SEC14L2: variants seen among roughly 807,000 people sequenced by gnomAD.
The protein encoded by SEC14L2 is SEC14 like lipid binding 2.
A neutral mutation model predicts 56.9 loss-of-function variants in SEC14L2; 50 were observed. That is an observed-to-expected ratio of 0.88 (90% confidence interval 0.70 to 1.11). The LOEUF is 1.11. Among genes scored for constraint, SEC14L2 ranks in the 50% most tolerant of loss-of-function variants. The probability of loss-of-function intolerance (pLI) is 0.00; values close to 1 mark genes in which losing one functional copy is unlikely to be tolerated. For synonymous variants in SEC14L2, 179 were observed against 188.5 expected, an observed-to-expected ratio of 0.95 and a Z score of 0.41; for missense variants, 414 against 500.7, an observed-to-expected ratio of 0.83 and a Z score of 1.65.
chr22:30,415,956 C>T lies in SEC14L2; in HGVS notation c.780C>T (p.Tyr260=), dbSNP rs374397505. ...CCATGCCATGCTTCTAGATCAACTA[C>T]GGGGGTGACATCCCCAGGAAGTATT... The part of the protein sequence containing the change: ...GNPKCKSKIN[Y]GGDIPRKYYV... Residue 260 remains tyrosine, a synonymous_variant, in exon 10 of 12, where the codon TAC becomes TAT. Transcript: ENST00000615189. The T allele has an allele frequency of 2.5e-5, 41 of 1,614,042 alleles. No homozygotes were observed. Among genetic ancestry groups the T allele is most frequent in the East Asian group, 2.5e-4 (11 of 44,890 alleles).
intron 2 of SEC14L2, among the ~76,000 whole-genome samples, chr22:30,401,500 ATATTTTTATTTTTAT>A (rs1231244691): frequency 4.2e-5 from 6 of 142,980 alleles, no homozygotes; most frequent in South Asian, 2.2e-4. Flanking sequence ...TTTTTATTTT[ATATTTTTATTTTTAT>A]TATTTTTATT....
chr22:30,415,821 G>A lies in SEC14L2; in HGVS notation c.727G>A (p.Gly243Ser), dbSNP rs1396317731. Reference sequence around the variant, plus strand: ...TGACCAGGTGCCTGTGGAGTATGGGGGCACCATGACTGACCCTGATGGAAA... The same window carrying A: ...TGACCAGGTGCCTGTGGAGTATGGGAGCACCATGACTGACCCTGATGGAAA... ...SPDQVPVEYG[G>S]TMTDPDGNPK... The change falls in exon 9 of 12, where the codon GGC becomes AGC. Residue 243 changes from glycine (G) to serine (S), a missense_variant. Transcript: ENST00000615189. The A allele has an allele frequency of 1.2e-6, 2 of 1,614,076 alleles. No homozygotes were observed. The highest frequency in any genetic ancestry group is 2.2e-5 in the South Asian group (2 of 91,078).
rs1411769981 is a variant in SEC14L2, at chr22:30,397,906, A to AG, written c.54+741dup. On this transcript the variant is annotated intron_variant, in intron 1 of 11. Transcript: ENST00000615189. ...CTTTGCCTTGGCATCTGTGACAAGG[A>AG]GGGGGCAACAGTTTGAGGGCGGGAC... is the stretch of plus-strand genomic sequence containing the variant. The AG allele has an allele frequency of 6.4e-6, 3 of 470,816 alleles. No individual in the cohort carries two copies. In the Admixed American group the frequency reaches 7.0e-5, roughly 11 times the overall value. The allele number at this position is 470,816 out of a possible 1,614,324, so 29.2% of individuals were successfully genotyped here. A position where few individuals can be genotyped will look rare whatever the true frequency, so the allele number is the denominator to read the frequency against.
chr22:30,402,252 G>C (rs774024296), intron 2 of SEC14L2, among the ~76,000 whole-genome samples: 16 of 152,152 alleles, frequency 1.1e-4, no homozygotes, highest in Non-Finnish European at 2.4e-4. Context: ...GAAGATAGTA[G>C]CCTTCTTAAA....
chr22:30,413,594 A>T (rs770908445), intron 8 of SEC14L2, among the ~76,000 whole-genome samples: 9 of 152,172 alleles, frequency 5.9e-5, no homozygotes, highest in Non-Finnish European at 1.2e-4. Context: ...GGCTCATGAA[A>T]GGGTGAATGC....
At position 30,415,973 on chromosome 22, in the gene SEC14L2, G is replaced by A. The variant is rs777024951; in HGVS notation, c.797G>A (p.Arg266Lys). The A allele has an allele frequency of 6.2e-7, 1 of 1,614,222 alleles. No homozygotes were observed. Among genetic ancestry groups the A allele is most frequent in the South Asian group, 1.1e-5 (1 of 91,086 alleles). Residue 266 changes from arginine (R) to lysine (K), a missense_variant, in exon 10 of 12, where the codon AGG becomes AAG. By Grantham distance (26) the Arg-to-Lys change is conservative. Coordinates refer to ENST00000615189, the MANE Select transcript of SEC14L2 (RefSeq NM_012429.5). Reference sequence around the variant, plus strand: ...ATCAACTACGGGGGTGACATCCCCAGGAAGTATTATGTGCGAGACCAGGTG... The same window carrying A: ...ATCAACTACGGGGGTGACATCCCCAAGAAGTATTATGTGCGAGACCAGGTG... ...SKINYGGDIP[R>K]KYYVRDQVKQ...
At chr22:30,406,270 T>C (rs1158207219) in intron 2 of SEC14L2, 72 bp from the exon 3 acceptor site, 6 of 1,483,044 alleles carry the variant, frequency 4.0e-6, no homozygotes, top group Non-Finnish European at 4.7e-6. Flanking sequence ...CATGGGAATA[T>C]GGGAATCTCC....
rs117041773 is a variant in SEC14L2 at position 30,422,035 on chromosome 22, G to A, written c.1082-242G>A. 1.8e-4 allele frequency among the ~76,000 whole-genome samples: 28 copies of A among 152,250 alleles called. No individual in the cohort carries two copies. The East Asian group carries it at 3.3e-3, about 18-fold the overall frequency. On this transcript the variant is annotated intron_variant, in intron 11 of 11. Transcript: ENST00000615189. ...CCTCTTCTTCCAAGCTGGTACAGAC[G>A]AGATGGTCTCTGTCACTCATCTGGC...
chr22:30,414,559 C>T (rs1160217559), intron 8 of SEC14L2, among the ~76,000 whole-genome samples: 3 of 152,154 alleles, frequency 2.0e-5, no homozygotes, highest in Admixed American at 6.5e-5. Context: ...ACAGTTTCTG[C>T]GGGTCTCCAG....
At position 30,422,382 on chromosome 22, in the gene SEC14L2, A is replaced by G; in HGVS notation, c.1187A>G (p.Gln396Arg). 2 of 1,614,230 alleles carry G rather than the reference A, an allele frequency of 1.2e-6. No homozygotes were observed. The highest frequency in any genetic ancestry group is 1.7e-6 in the Non-Finnish European group (2 of 1,180,032). Residue 396 changes from glutamine to arginine, a missense_variant, in exon 12 of 12, where the codon CAG becomes CGG. Transcript: ENST00000615189. ...AAAGCCTCAGAAGAGAAGATGAAAC[A>G]GCTGGGGGCAGGCACCCCGAAATAA... ...PDKASEEKMK[Q>R]LGAGTPK
In SEC14L2 at chr22:30,407,580, G is replaced by A. The variant is rs1341020158; in HGVS notation, c.400G>A (p.Glu134Lys). The A allele has an allele frequency of 1.1e-5, 18 of 1,613,974 alleles. No individual in the cohort carries two copies. The highest frequency in any genetic ancestry group is 2.7e-5 in the African/African-American group (2 of 74,940). Residue 134 changes from glutamate (E) to lysine (K), a missense_variant, in exon 5 of 12, where the codon GAG becomes AAG. Glu to Lys is a moderately conservative substitution (Grantham distance 56). Transcript: ENST00000615189. ...GCGGGAGTGTGAGCTGCTTCTGCAA[G>A]AGTGTGCCCACCAGACCACAAAGGT... is the stretch of plus-strand genomic sequence containing the variant. ...KMRECELLLQ[E>K]CAHQTTKLGR...
intron 2 of SEC14L2, among the ~76,000 whole-genome samples, chr22:30,404,030 G>A (rs7511253): frequency 0.43 from 35,193 of 81,444 alleles, 6,094 homozygotes; most frequent in African/African-American, 0.58. Flanking sequence ...AAAAAAAAAA[G>A]AAAAAAAAAA....
chr22:30,409,696 G>C (rs1033281172), intron 7 of SEC14L2, among the ~76,000 whole-genome samples: 1 of 151,378 alleles, frequency 6.6e-6, no homozygotes, highest in Admixed American at 6.6e-5. Context: ...CCAGGAGTTT[G>C]AGACCAGCCT....
chr22:30,406,647 T>C (rs904795132), intron 3 of SEC14L2, among the ~76,000 whole-genome samples: 2 of 152,236 alleles, frequency 1.3e-5, no homozygotes, highest in African/African-American at 4.8e-5. Flanking sequence ...TCCTGCCTAA[T>C]GCCTTCTGGT....
intron 2 of SEC14L2, among the ~76,000 whole-genome samples, chr22:30,402,740 G>GTT (rs5844904): frequency 1.6e-3 from 224 of 143,594 alleles, no homozygotes; most frequent in South Asian, 4.0e-3. Flanking sequence ...TCTCAATTGG[G>GTT]TTTTTTTTTT....
intron 2 of SEC14L2, among the ~76,000 whole-genome samples, chr22:30,402,536 C>T (rs1034849700): frequency 2.0e-5 from 3 of 152,038 alleles, no homozygotes; most frequent in African/African-American, 7.2e-5. Context: ...CCTGAAGTTA[C>T]AGTTAATGCG....
chr22:30,404,612 T>A (rs1195295299), intron 2 of SEC14L2, among the ~76,000 whole-genome samples: 1 of 152,134 alleles, frequency 6.6e-6, no homozygotes, highest in African/African-American at 2.4e-5. Flanking sequence ...CTTTGAAGGA[T>A]GGACTGAAGT....
intron 2 of SEC14L2, among the ~76,000 whole-genome samples, chr22:30,401,522 T>C (rs1280109764): frequency 6.6e-6 from 1 of 150,598 alleles, no homozygotes; most frequent in African/African-American, 2.4e-5. Flanking sequence ...TTATTATTTT[T>C]ATTTTTTTTG....
intron 11 of SEC14L2, among the ~76,000 whole-genome samples, chr22:30,418,919 G>A (rs1024786128): frequency 7.9e-5 from 12 of 152,302 alleles, no homozygotes; most frequent in African/African-American, 2.6e-4. Flanking sequence ...GGCTTCTCTG[G>A]TCCTTATCCC....
Sources: allele counts gnomAD v4.1 joint callset (sites outside exome capture counted in the v4.1 genomes callset), GRCh38; gene constraint gnomAD v4.1.1; transcripts MANE v1.5; gene names NCBI Gene and HGNC (gene_info 2026-07-23, HGNC 2026-07-21).